Variants in CDK6 observed in about 807,000 individuals in gnomAD.
The protein encoded by CDK6 is cyclin dependent kinase 6.
Under a neutral mutation model 37.1 loss-of-function variants are expected in CDK6, and 6 were observed. The observed-to-expected ratio is 0.16, with a 90% CI of 0.09 to 0.32. CDK6 has a LOEUF of 0.32. Among genes scored for constraint, CDK6 ranks in the 10% least tolerant of loss-of-function variants. CDK6 has a pLI of 1.00. For missense variants in CDK6, 224 were observed against 418.9 expected (o/e 0.53, Z 4.06); for synonymous variants, 160 against 161.3 (o/e 0.99, Z 0.06).
chr7:92,720,388 A>G (rs1214747318), intron 4 of CDK6, among the ~76,000 whole-genome samples: 1 of 152,152 alleles, frequency 6.6e-6, no homozygotes, highest in Non-Finnish European at 1.5e-5. Context: ...TCTCCAAGCC[A>G]TTTACAATCT....
intron 2 of CDK6, among the ~76,000 whole-genome samples, chr7:92,783,743 C>G (rs1800054994): frequency 6.6e-6 from 1 of 152,146 alleles, no homozygotes; most frequent in Admixed American, 6.5e-5. Flanking sequence ...ATAGAGCAAA[C>G]AGTAAAACTA....
intron 5 of CDK6, among the ~76,000 whole-genome samples, chr7:92,642,349 C>T (rs1438001028): frequency 6.6e-6 from 1 of 152,188 alleles, no homozygotes; most frequent in East Asian, 1.9e-4. Flanking sequence ...ATATAAGGAG[C>T]ACTACAATGA....
chr7:92,693,072 CCAAA>C (rs1378844125), intron 4 of CDK6, among the ~76,000 whole-genome samples: 1 of 152,122 alleles, frequency 6.6e-6, no homozygotes, highest in Non-Finnish European at 1.5e-5. Context: ...GGTTCACCTA[CCAAA>C]CAAACTATAA....
chr7:92,833,570 C>G lies in CDK6; in HGVS notation c.-247G>C, dbSNP rs942119009. 1 of 542,846 alleles carries G rather than the reference C, an allele frequency of 1.8e-6. No homozygotes were observed. 33.6% of individuals were successfully genotyped at this position (542,846 alleles called of 1,614,324 possible). On this transcript the variant is annotated 5_prime_UTR_variant, in exon 2 of 8. Transcript: ENST00000424848. This position sits in a 1 kb window ranked among gnomAD's most constrained non-coding sequence, Gnocchi z 6.1. ...CGAAACTCCGCCTGCAGAGTCGCCG[C>G]CGCCGCCGCCGCCGGAGGAGCGAGC...
intron 4 of CDK6, among the ~76,000 whole-genome samples, chr7:92,721,420 A>G (rs1562946737): frequency 6.6e-6 from 1 of 152,200 alleles, no homozygotes; most frequent in African/African-American, 2.4e-5. Context: ...GAGTAGGGCC[A>G]GTGTAGGCTT....
intron 3 of CDK6, among the ~76,000 whole-genome samples, chr7:92,757,889 A>G (rs973402641): frequency 2.4e-4 from 36 of 152,138 alleles, no homozygotes; most frequent in African/African-American, 8.7e-4. Flanking sequence ...TTTGGTCTGC[A>G]TTTCTCTAAT....
chr7:92,701,530 C>A (rs867467102), intron 4 of CDK6, among the ~76,000 whole-genome samples: 1 of 152,096 alleles, frequency 6.6e-6, no homozygotes, highest in Middle Eastern at 3.4e-3. Context: ...CTCAGCCTCC[C>A]GAGTAGCTGG....
chr7:92,785,136 T>C (rs1258667220), intron 2 of CDK6, among the ~76,000 whole-genome samples: 1 of 152,112 alleles, frequency 6.6e-6, no homozygotes, highest in Non-Finnish European at 1.5e-5. Flanking sequence ...ATAACCCAAA[T>C]GTCCATCAAC....
intron 2 of CDK6, among the ~76,000 whole-genome samples, chr7:92,829,126 T>C (rs898517350): frequency 1.3e-5 from 2 of 152,162 alleles, no homozygotes; most frequent in African/African-American, 4.8e-5. Context: ...TGTTAACAAT[T>C]AGGTTTTCCA....
At chr7:92,669,858 G>C (rs1233545562) in intron 5 of CDK6, among the ~76,000 whole-genome samples, 1 of 152,170 alleles carries the variant, frequency 6.6e-6, no homozygotes, top group Non-Finnish European at 1.5e-5. Context: ...AGGATCGGAG[G>C]ACTTGTTGAA....
intron 2 of CDK6, among the ~76,000 whole-genome samples, chr7:92,808,123 G>T (rs1800775940): frequency 1.3e-5 from 2 of 152,136 alleles, no homozygotes; most frequent in African/African-American, 2.4e-5. Context: ...CACCTCATAT[G>T]GTATTTTTCT....
intron 3 of CDK6, among the ~76,000 whole-genome samples, chr7:92,751,568 T>C (rs148024607): frequency 5.3e-5 from 8 of 152,216 alleles, no homozygotes; most frequent in African/African-American, 1.9e-4. Flanking sequence ...AAAACTGTTA[T>C]CACATACGCA....
In CDK6 at chr7:92,695,302, GA is replaced by G. The variant is rs113641791; in HGVS notation, c.538-23768del. Among the ~76,000 whole-genome samples, 333 of 150,786 alleles carry G rather than the reference GA, an allele frequency of 2.2e-3. 1 individual carries two copies. Among genetic ancestry groups the G allele is most frequent in the African/African-American group, 7.4e-3 (306 of 41,088 alleles). On this transcript the variant is annotated intron_variant, in intron 4 of 7. Transcript: ENST00000424848. ...AAAAAAAAAGAAAGAAAGAAAGAAAGAAAAAAACCAACAAAAATCAAGAAGC... is the reference window on the plus strand; with the variant it reads ...AAAAAAAAAGAAAGAAAGAAAGAAAGAAAAAACCAACAAAAATCAAGAAGC...
chr7:92,765,863 A>G (rs1799567170), intron 3 of CDK6, among the ~76,000 whole-genome samples: 2 of 152,210 alleles, frequency 1.3e-5, no homozygotes, highest in African/African-American at 4.8e-5. Flanking sequence ...CTAGATGTGG[A>G]GTTGTAGCTG....
chr7:92,660,135 T>C (rs2116578491), intron 5 of CDK6, among the ~76,000 whole-genome samples: 1 of 152,324 alleles, frequency 6.6e-6, no homozygotes. Flanking sequence ...AACCCATTCT[T>C]AGATGTCTGG....
At chr7:92,711,641 C>T (rs1245007891) in intron 4 of CDK6, among the ~76,000 whole-genome samples, 2 of 140,084 alleles carry the variant, frequency 1.4e-5, no homozygotes, top group Admixed American at 1.5e-4. Context: ...TCTCTCAGCT[C>T]ACTGCAACCT....
intron 2 of CDK6, among the ~76,000 whole-genome samples, chr7:92,832,303 A>AC (rs1352153498): frequency 6.6e-6 from 1 of 152,192 alleles, no homozygotes. Context: ...CTGTCTCCCC[A>AC]CCCACTCGCA....
chr7:92,832,349 T>C (rs1189869194), intron 2 of CDK6, among the ~76,000 whole-genome samples: 2 of 152,212 alleles, frequency 1.3e-5, no homozygotes. Context: ...AGAACATTTA[T>C]GATCTAACCA....
chr7:92,772,637 GC>G (rs1285738002), intron 3 of CDK6, among the ~76,000 whole-genome samples: 1 of 151,618 alleles, frequency 6.6e-6, no homozygotes, highest in Non-Finnish European at 1.5e-5. Flanking sequence ...CTCAGCCACT[GC>G]CCCCTGTCTT....
Sources: gnomAD v4.1 joint callset for allele counts (sites outside exome capture counted in the v4.1 genomes callset) on GRCh38, gnomAD v4.1.1 for gene constraint, Gnocchi (gnomAD v3.1) non-coding constraint, MANE v1.5 for transcripts, NCBI Gene and HGNC (gene_info 2026-07-23, HGNC 2026-07-21) for gene names.